GREB1L: variants seen among roughly 807,000 people sequenced by gnomAD.
GREB1L encodes GREB1 like retinoic acid receptor coactivator, also known as GREB1-like protein.
Under a neutral mutation model 200.8 loss-of-function variants are expected in GREB1L, and 17 were observed. That is an observed-to-expected ratio of 0.08 (90% CI 0.06 to 0.13). The LOEUF is 0.13. Ranked by LOEUF, GREB1L falls within the 10% of genes least tolerant of loss-of-function variation. The pLI is 1.00. For synonymous variants in GREB1L, 789 were observed against 893.0 expected, an observed-to-expected ratio of 0.88 and a Z score of 2.08; for missense variants, 1,657 against 2,367.7, an observed-to-expected ratio of 0.70 and a Z score of 6.23.
At chr18:21,299,478 C>T (rs1042327192) in intron 1 of GREB1L, among the ~76,000 whole-genome samples, 2 of 151,062 alleles carry the variant, frequency 1.3e-5, no homozygotes, top group African/African-American at 4.9e-5. Context: ...TTATATGGTA[C>T]TCATTTTCCT....
At position 21,508,100 on chromosome 18, in the gene GREB1L, T is replaced by C. The variant is rs2037089944; in HGVS notation, c.4369-18T>C. 1 of 1,550,670 alleles carries C rather than the reference T, an allele frequency of 6.4e-7. No homozygotes were observed. On this transcript the variant is annotated intron_variant, in intron 25 of 32. Transcript: ENST00000424526. ...TGGGCTTACTTACGTTCCCTCCCTT[T>C]CTTCTTTGCAAATGTAGATGTCTGA...
chr18:21,263,173 A>T (rs1485472017), intron 1 of GREB1L, among the ~76,000 whole-genome samples: 1 of 152,198 alleles, frequency 6.6e-6, no homozygotes, highest in Non-Finnish European at 1.5e-5. Flanking sequence ...TTTCCTGTGC[A>T]CTGCCCTTTG....
intron 7 of GREB1L, among the ~76,000 whole-genome samples, chr18:21,433,693 A>G (rs2033325614): frequency 6.6e-6 from 1 of 152,220 alleles, no homozygotes; most frequent in Admixed American, 6.5e-5. Flanking sequence ...TCTGTTGAGA[A>G]ACAATGATTA....
chr18:21,351,744 T>C (rs1175911100), intron 1 of GREB1L, among the ~76,000 whole-genome samples: 2 of 152,160 alleles, frequency 1.3e-5, no homozygotes, highest in Non-Finnish European at 2.9e-5. Context: ...TTGTGAAACT[T>C]GTGTTTCATC....
At chr18:21,291,848 C>T (rs982943200) in intron 1 of GREB1L, among the ~76,000 whole-genome samples, 1 of 151,972 alleles carries the variant, frequency 6.6e-6, no homozygotes, top group Admixed American at 6.6e-5. Flanking sequence ...ATAATGACAC[C>T]AAAAGGCTGA....
intron 7 of GREB1L, among the ~76,000 whole-genome samples, chr18:21,435,514 A>G (rs2033478235): frequency 6.6e-6 from 1 of 152,196 alleles, no homozygotes; most frequent in South Asian, 2.1e-4. Context: ...GCATTGTAGG[A>G]GTAATTAAGA....
intron 4 of GREB1L, among the ~76,000 whole-genome samples, chr18:21,392,932 C>T (rs117529884): frequency 2.8e-3 from 418 of 151,944 alleles, no homozygotes; most frequent in Non-Finnish European, 4.3e-3. Flanking sequence ...CCACCAGGCC[C>T]GACTAATTTT....
At chr18:21,297,385 T>C (rs1194813399) in intron 1 of GREB1L, among the ~76,000 whole-genome samples, 2 of 152,158 alleles carry the variant, frequency 1.3e-5, no homozygotes, top group African/African-American at 4.8e-5. Flanking sequence ...GGTTATCTCT[T>C]TGTGCTCCTC....
At chr18:21,403,774 C>A in intron 6 of GREB1L, 98 bp from the exon 7 acceptor site, 1 of 990,216 alleles carries the variant, frequency 1.0e-6, no homozygotes, top group Non-Finnish European at 1.5e-6. Flanking sequence ...GCTTAAGGAG[C>A]AGCGATTTAA....
At chr18:21,291,156 C>G (rs1005512912) in intron 1 of GREB1L, among the ~76,000 whole-genome samples, 1 of 152,174 alleles carries the variant, frequency 6.6e-6, no homozygotes, top group Non-Finnish European at 1.5e-5. Context: ...TCCTCTCCCA[C>G]TCCCCCCAGG....
rs1274385630 is a variant in GREB1L at position 21,286,292 on chromosome 18, CAG to C, written c.-120+43900_-120+43901del. ...GATCTCTTTGACTAGAATGTATACTCAGGGGTAACAGGAGATGATTATGTCTT... is the reference window on the plus strand; with the variant it reads ...GATCTCTTTGACTAGAATGTATACTCGGGTAACAGGAGATGATTATGTCTT... On this transcript the variant is annotated intron_variant, in intron 1 of 32. Coordinates refer to ENST00000424526, the MANE Select transcript of GREB1L (RefSeq NM_001142966.3). Among the ~76,000 whole-genome samples, 3 of 152,218 alleles carry C rather than the reference CAG, an allele frequency of 2.0e-5. No homozygotes were observed. The East Asian group carries it at 5.8e-4, about 29-fold the overall frequency.
chr18:21,282,649 C>T (rs1477205718), intron 1 of GREB1L, among the ~76,000 whole-genome samples: 2 of 151,838 alleles, frequency 1.3e-5, no homozygotes, highest in Non-Finnish European at 2.9e-5. Context: ...ACCCAGGATG[C>T]AGTGCAGTGG....
rs921437377 is a variant in GREB1L at position 21,523,715 on chromosome 18, T to C, written c.*894T>C. The stretch of plus-strand genomic sequence containing the variant: ...ACCTAAATGTCAGGCTGAGGTTCTG[T>C]TGCAGAGTGAAACTAGTTTGTTTCC... On this transcript the variant is annotated 3_prime_UTR_variant, in exon 33 of 33. Transcript: ENST00000424526. 4 of 152,256 alleles carry C rather than the reference T, an allele frequency of 2.6e-5. No individual in the cohort carries two copies. Among genetic ancestry groups the C allele is most frequent in the Admixed American group, 1.3e-4 (2 of 15,290 alleles). 9.4% of individuals were successfully genotyped at this position (152,256 alleles called of 1,614,324 possible). A position where few individuals can be genotyped will look rare whatever the true frequency, so the allele number is the denominator to read the frequency against.
intron 1 of GREB1L, among the ~76,000 whole-genome samples, chr18:21,298,340 A>AT (rs1025767948): frequency 3.3e-5 from 5 of 152,190 alleles, no homozygotes; most frequent in Non-Finnish European, 4.4e-5. Flanking sequence ...TTCAACAAGT[A>AT]TTTTTTTAGT....
rs111769425 is a variant in GREB1L, at chr18:21,382,629, C to T, written c.-9-881C>T. Among the ~76,000 whole-genome samples, 1,143 of 151,660 alleles carry T rather than the reference C, an allele frequency of 7.5e-3. 19 individuals are homozygous for T. Among genetic ancestry groups the T allele is most frequent in the African/African-American group, 0.027 (1,101 of 41,338 alleles). The stretch of plus-strand genomic sequence containing the variant: ...GCCTCAGCCTCCTGAGTAGCTGGGA[C>T]TACAGGCACATGCCACCATGCCTGG... On this transcript the variant is annotated intron_variant, in intron 2 of 32. Coordinates refer to ENST00000424526, the MANE Select transcript of GREB1L (RefSeq NM_001142966.3).
intron 7 of GREB1L, among the ~76,000 whole-genome samples, chr18:21,436,366 A>C (rs1371739199): frequency 1.3e-5 from 2 of 152,192 alleles, no homozygotes; most frequent in African/African-American, 4.8e-5. Context: ...ATCCAGGCAC[A>C]GTGACGCCTG....
chr18:21,316,115 CTG>C lies in GREB1L; in HGVS notation c.-119-49908_-119-49907del. 2.0e-5 allele frequency among the ~76,000 whole-genome samples: 3 copies of C among 152,252 alleles called. No homozygotes were observed. The Middle Eastern group carries it at 0.01, about 518-fold the overall frequency. The stretch of plus-strand genomic sequence containing the variant: ...GACTCTATGGAGATAACCTTTTTCT[CTG>C]TGTACCCGCCCATCACATGATGAGG... On this transcript the variant is annotated intron_variant, in intron 1 of 32. Transcript: ENST00000424526.
intron 15 of GREB1L, chr18:21,468,620 T>TA (rs2035358720): frequency 4.7e-6 from 2 of 426,308 alleles, no homozygotes; most frequent in Admixed American, 5.3e-5. Context: ...GTTAACAACT[T>TA]ACCTAACTAT....
At chr18:21,313,372 G>C (rs541153969) in intron 1 of GREB1L, among the ~76,000 whole-genome samples, 5 of 152,194 alleles carry the variant, frequency 3.3e-5, no homozygotes, top group Non-Finnish European at 5.9e-5. Context: ...ATTTTATTGA[G>C]TACTTACTAA....
Sources: allele counts gnomAD v4.1 joint callset (sites outside exome capture counted in the v4.1 genomes callset), GRCh38; gene constraint gnomAD v4.1.1; transcripts MANE v1.5; gene names NCBI Gene and HGNC (gene_info 2026-07-23, HGNC 2026-07-21).